Variants in SI observed in about 807,000 individuals in gnomAD.
SI encodes the protein sucrase-isomaltase, intestinal.
A neutral mutation model predicts 253.3 loss-of-function variants in SI; 235 were observed. The ratio of observed to expected loss-of-function variants is 0.93; its 90% CI spans 0.83 to 1.03. SI has a LOEUF of 1.03. Ranked by LOEUF, SI falls within the 50% of genes least tolerant of loss-of-function variation. The pLI is 0.00. For synonymous variants in SI, 819 were observed against 712.0 expected, an observed-to-expected ratio of 1.15 and a Z score of -2.39; for missense variants, 2,442 against 2,211.1, an observed-to-expected ratio of 1.10 and a Z score of -2.09.
At chr3:165,043,022 T>A in intron 17 of SI, 37 bp downstream of exon 17, 1 of 1,253,780 alleles carries the variant, frequency 8.0e-7, no homozygotes, top group Non-Finnish European at 1.2e-6. Context: ...CTATGGTTGT[T>A]TTTTATTTCG....
chr3:165,033,509 C>G, intron 22 of SI, 65 bp from the exon 23 acceptor site: 1 of 1,350,118 alleles, frequency 7.4e-7, no homozygotes, highest in Non-Finnish European at 9.7e-7. Flanking sequence ...TGGTTTTACA[C>G]TTATACAACA....
At position 165,037,975 on chromosome 3, in the gene SI, G is replaced by A. The variant is rs551832319; in HGVS notation, c.2351C>T (p.Ala784Val). ...RKQRVDMYLPADKIGLHLRGG... is the reference protein window; with the variant it reads ...RKQRVDMYLPVDKIGLHLRGG... Reference sequence around the variant, plus strand: ...TCTAAGATGTAATCCTATTTTGTCTGCTGGAAGATACATATCAACCCGTTG... The same window carrying A: ...TCTAAGATGTAATCCTATTTTGTCTACTGGAAGATACATATCAACCCGTTG... The change falls in exon 21 of 48, where the codon GCA becomes GTA. Residue 784 changes from alanine to valine, a missense_variant. Transcript: ENST00000264382. 3.7e-6 allele frequency: 6 copies of A among 1,610,708 alleles called. No homozygotes were observed. In the South Asian group the frequency reaches 6.6e-5, roughly 18 times the overall value.
At chr3:165,031,268 T>C (rs1343878292) in intron 24 of SI, among the ~76,000 whole-genome samples, 3 of 149,412 alleles carry the variant, frequency 2.0e-5, no homozygotes, top group African/African-American at 4.9e-5. Flanking sequence ...ATTGCAAAAC[T>C]TTAAGGAATG....
At chr3:165,086,250 G>A in the SI span, among the ~76,000 whole-genome samples, 17 of 151,826 alleles carry the variant, frequency 1.1e-4, no homozygotes, top group Non-Finnish European at 1.5e-4. Context: ...GCAAGACTCC[G>A]TCTCAAAAAA....
At chr3:165,070,453 G>T (rs1714504800) in intron 3 of SI, among the ~76,000 whole-genome samples, 1 of 149,916 alleles carries the variant, frequency 6.7e-6, no homozygotes, top group Admixed American at 6.7e-5. Flanking sequence ...GGGTACAATT[G>T]GATCTAATAA....
At position 165,012,962 on chromosome 3, in the gene SI, A is replaced by G. The variant is rs367787760; in HGVS notation, c.4062+18T>C. On this transcript the variant is annotated intron_variant, in intron 34 of 47. Coordinates refer to ENST00000264382, the MANE Select transcript of SI (RefSeq NM_001041.4). Reference sequence around the variant, plus strand: ...TTGAATTTCTTCTCATTGTATAGTTAGCCCGTGTAAAACTTACATTAACAG... The same window carrying G: ...TTGAATTTCTTCTCATTGTATAGTTGGCCCGTGTAAAACTTACATTAACAG... 184 of 1,493,618 alleles carry G rather than the reference A, an allele frequency of 1.2e-4. No homozygotes were observed. Among genetic ancestry groups the G allele is most frequent in the Middle Eastern group, 1.7e-4 (1 of 5,870 alleles). 92.5% of individuals were successfully genotyped at this position (1,493,618 alleles called of 1,614,324 possible).
chr3:165,019,821 G>A (rs1719222488), intron 27 of SI, 51 bp from the exon 28 acceptor site: 4 of 1,447,788 alleles, frequency 2.8e-6, no homozygotes, highest in Middle Eastern at 1.7e-4. Flanking sequence ...ATGCAAAGTA[G>A]TATCACAAAT....
chr3:164,992,366 A>C lies in SI; in HGVS notation c.4873T>G (p.Phe1625Val), dbSNP rs149414344. The stretch of plus-strand genomic sequence containing the variant: ...GCTGGACCCCATAAGAACTGCTTGA[A>C]TATATCCCAGGTTGGTTTTTCATCA... ...FFDEKPTWDI[F>V]KQFLWGPAFM... Residue 1625 changes from phenylalanine (F) to valine (V), a missense_variant, in exon 42 of 48, where the codon TTC (phenylalanine) becomes GTC (valine). Physicochemically the swap from Phe to Val is conservative, Grantham distance 50. Coordinates refer to ENST00000264382, the MANE Select transcript of SI (RefSeq NM_001041.4). 2.9e-5 allele frequency: 47 copies of C among 1,613,090 alleles called. No homozygotes were observed. Among genetic ancestry groups the C allele is most frequent in the Admixed American group, 6.7e-5 (4 of 59,920 alleles).
At chr3:165,059,125 C>CCT (rs60170840) in intron 11 of SI, 43 bp from the exon 12 acceptor site, 1 of 1,610,538 alleles carries the variant, frequency 6.2e-7, no homozygotes. Context: ...TTAACTTACA[C>CCT]GTGTAAACAC....
rs1553768937 is a variant in SI, at chr3:164,989,433, A to AAAGAAAGAAAGG, written c.5108+1919_5108+1920insCCTTTCTTTCTT. Among the ~76,000 whole-genome samples, 126 of 132,748 alleles carry AAAGAAAGAAAGG rather than the reference A, an allele frequency of 9.5e-4. 1 individual carries two copies. Among genetic ancestry groups the AAAGAAAGAAAGG allele is most frequent in the African/African-American group, 2.7e-3 (74 of 27,742 alleles). 87.1% of individuals were successfully genotyped at this position (132,748 alleles called of 152,430 possible). On this transcript the variant is annotated intron_variant, in intron 44 of 47. Transcript: ENST00000264382. ...GAAAGAAAGAAAGAAAGAAAGAAAGAAAGGAAAGAAAGAAGAGAGGAGAGG... is the reference window on the plus strand; with the variant it reads ...GAAAGAAAGAAAGAAAGAAAGAAAGAAAGAAAGAAAGGAAGGAAAGAAAGAAGAGAGGAGAGG...
intron 47 of SI, among the ~76,000 whole-genome samples, chr3:164,982,036 T>C (rs1291346475): frequency 6.6e-6 from 1 of 152,088 alleles, no homozygotes; most frequent in Non-Finnish European, 1.5e-5. Context: ...ATAATAAGAA[T>C]AAAATAGATG....
intron 41 of SI, 52 bp from the exon 42 acceptor site, chr3:164,992,449 A>T (rs946081075): frequency 3.5e-6 from 4 of 1,158,416 alleles, no homozygotes; most frequent in African/African-American, 3.1e-5. Context: ...CTTTCTTCTG[A>T]ATACCATAAA....
chr3:165,019,507 T>A, intron 28 of SI, 95 bp downstream of exon 28: 1 of 1,148,054 alleles, frequency 8.7e-7, no homozygotes, highest in Non-Finnish European at 1.3e-6. Flanking sequence ...CCTTTGTCAT[T>A]ACTTCAATCC....
chr3:165,031,972 A>G (rs143051667), intron 24 of SI, among the ~76,000 whole-genome samples: 73 of 151,302 alleles, frequency 4.8e-4, no homozygotes, highest in South Asian at 1.0e-3. Flanking sequence ...TTTCCCCTCT[A>G]TACTACAACT....
chr3:165,062,443 A>G lies in SI; in HGVS notation c.948T>C (p.Val316=), dbSNP rs1389762396. 1.4e-5 allele frequency: 23 copies of G among 1,605,524 alleles called. No individual in the cohort carries two copies. Among genetic ancestry groups the G allele is most frequent in the Non-Finnish European group, 2.0e-5 (23 of 1,172,794 alleles). The change falls in exon 9 of 48, where the codon GTT becomes GTC. Residue 316 remains valine, a synonymous_variant. Transcript: ENST00000264382. ...TGTAAAAATCCAGAATGCCACCGGT[A>G]ACTCTATATGTTACTATTGGAGTAG... ...IQPTPIVTYR[V]TGGILDFYIL...
chr3:164,983,172 C>T (rs1428950442), intron 45 of SI, 121 bp from the exon 46 acceptor site: 4 of 951,240 alleles, frequency 4.2e-6, no homozygotes, highest in African/African-American at 1.7e-5. Context: ...CAAGATGTAC[C>T]TATTTTTTCT....
chr3:164,999,170 A>G (rs551588471), intron 37 of SI, among the ~76,000 whole-genome samples: 1 of 151,760 alleles, frequency 6.6e-6, no homozygotes, highest in South Asian at 2.1e-4. Flanking sequence ...GGGTCTTAAA[A>G]CTAAAAAGAA....
chr3:164,979,339 AC>A lies in SI; in HGVS notation c.*22del. ...TAAATCCTGGTGTTTTTTCCCATTGACAACTAAAATTGATGGTGATCTTCAT... is the reference window on the plus strand; with the variant it reads ...TAAATCCTGGTGTTTTTTCCCATTGAAACTAAAATTGATGGTGATCTTCAT... On this transcript the variant is annotated 3_prime_UTR_variant, in exon 48 of 48. Transcript: ENST00000264382. The A allele has an allele frequency of 6.9e-7, 1 of 1,454,264 alleles. No individual in the cohort carries two copies. 90.1% of individuals were successfully genotyped at this position (1,454,264 alleles called of 1,614,324 possible).
At chr3:165,008,035 T>G in intron 35 of SI, 37 bp from the exon 36 acceptor site, 1 of 1,103,084 alleles carries the variant, frequency 9.1e-7, no homozygotes, top group Non-Finnish European at 1.4e-6. Flanking sequence ...AAACAAAAGA[T>G]AAATTTACAA....
Sources: gnomAD v4.1 joint callset for allele counts (sites outside exome capture counted in the v4.1 genomes callset) on GRCh38, gnomAD v4.1.1 for gene constraint, MANE v1.5 for transcripts, NCBI Gene and HGNC (gene_info 2026-07-23, HGNC 2026-07-21) for gene names.